USH2A: variants seen among roughly 807,000 people sequenced by gnomAD.
The protein encoded by USH2A is usherin.
Under a neutral mutation model 538.9 loss-of-function variants are expected in USH2A, and 443 were observed. The observed-to-expected ratio is 0.82, with a 90% CI of 0.76 to 0.89. The LOEUF is 0.89. Among genes scored for constraint, USH2A ranks in the 40% least tolerant of loss-of-function variants. The probability of loss-of-function intolerance (pLI) is 0.00; values close to 1 mark genes in which losing one functional copy is unlikely to be tolerated. For missense variants in USH2A, 6,633 were observed against 6,324.8 expected (o/e 1.05, Z -1.65); for synonymous variants, 2,413 against 2,273.5 (o/e 1.06, Z -1.75).
At chr1:215,692,598 C>T (rs1049394379) in intron 61 of USH2A, among the ~76,000 whole-genome samples, 3 of 152,090 alleles carry the variant, frequency 2.0e-5, no homozygotes, top group African/African-American at 4.8e-5. Flanking sequence ...CTTAGCAAAG[C>T]AGTATTTTAT....
At chr1:216,303,487 T>C (rs2037253252) in intron 9 of USH2A, among the ~76,000 whole-genome samples, 1 of 151,928 alleles carries the variant, frequency 6.6e-6, no homozygotes, top group African/African-American at 2.4e-5. Flanking sequence ...CTAAACTTAG[T>C]CAACTGGTAT....
chr1:216,325,220 T>A (rs906245472), intron 6 of USH2A, 85 bp downstream of exon 6: 10 of 1,415,130 alleles, frequency 7.1e-6, no homozygotes, highest in Non-Finnish European at 7.0e-6. Context: ...GGGAATATAT[T>A]TCTGTTGTTT....
Position 216,137,585 on chromosome 1 carries a change from T to C in USH2A, c.4627+37667A>G, listed in dbSNP as rs150533718. Among the ~76,000 whole-genome samples, 30 of 152,198 alleles carry C rather than the reference T, an allele frequency of 2.0e-4. No homozygotes were observed. In the East Asian group the frequency reaches 3.3e-3, roughly 17 times the overall value. On this transcript the variant is annotated intron_variant, in intron 21 of 71. Coordinates refer to ENST00000307340, the MANE Select transcript of USH2A (RefSeq NM_206933.4). ...CAAAACTGAAGAACTTGGAGTCCAA[T>C]ATTCAAGGGCAGAAAGCATCCAGCC...
At chr1:216,163,696 G>A (rs9730137) in intron 21 of USH2A, among the ~76,000 whole-genome samples, 4,791 of 151,916 alleles carry the variant, frequency 0.032, 243 homozygotes, top group African/African-American at 0.11. Context: ...AGGAAGAAGA[G>A]CCTATTAATG....
At chr1:216,339,731 A>G (rs144673803) in intron 4 of USH2A, among the ~76,000 whole-genome samples, 18 of 152,046 alleles carry the variant, frequency 1.2e-4, no homozygotes, top group African/African-American at 3.4e-4. Flanking sequence ...CTCCTGAACG[A>G]CTCCTGGGTA....
intron 60 of USH2A, among the ~76,000 whole-genome samples, chr1:215,738,085 C>T (rs1361535945): frequency 6.6e-6 from 1 of 151,922 alleles, no homozygotes; most frequent in African/African-American, 2.4e-5. Context: ...ATTAAAGCAC[C>T]TAGTGGGAGG....
chr1:215,689,888 A>G (rs536243072), intron 61 of USH2A, among the ~76,000 whole-genome samples: 6 of 152,246 alleles, frequency 3.9e-5, no homozygotes, highest in African/African-American at 1.4e-4. Context: ...AAGGCCTGAG[A>G]CTCTTGACAA....
intron 21 of USH2A, among the ~76,000 whole-genome samples, chr1:216,166,479 T>C (rs952789765): frequency 1.3e-5 from 2 of 152,034 alleles, no homozygotes; most frequent in African/African-American, 4.8e-5. Flanking sequence ...AGAATGCCAA[T>C]AAAAATAATT....
chr1:216,162,641 C>G (rs1310615750), intron 21 of USH2A, among the ~76,000 whole-genome samples: 4 of 152,032 alleles, frequency 2.6e-5, no homozygotes, highest in African/African-American at 9.7e-5. Flanking sequence ...GAATCTGTTT[C>G]AATTATCTCA....
chr1:216,174,921 T>C, intron 21 of USH2A: 1 of 1,145,864 alleles, frequency 8.7e-7, no homozygotes, highest in Non-Finnish European at 1.1e-6. Flanking sequence ...TGCAAACTCA[T>C]TTGCTCAGAG....
rs187422033 is a variant in USH2A, at chr1:215,910,470, T to C, written c.7301-9565A>G. ...CAACGAAAGAAAGATTAAGATGGTA[T>C]ATATTTCATAGAGTGTGGTTGGGAG... On this transcript the variant is annotated intron_variant, in intron 38 of 71. Coordinates refer to ENST00000307340, the MANE Select transcript of USH2A (RefSeq NM_206933.4). Among the ~76,000 whole-genome samples the C allele has an allele frequency of 6.8e-4, 104 of 152,118 alleles. 2 individuals carry two copies. The highest frequency in any genetic ancestry group is 2.5e-3 in the African/African-American group (104 of 41,542).
Position 216,325,557 on chromosome 1 carries a change from A to C in USH2A, c.891T>G (p.His297Gln), listed in dbSNP as rs1558038909. 6.2e-7 allele frequency: 1 copy of C among 1,613,382 alleles called. No homozygotes were observed. Among genetic ancestry groups the C allele is most frequent in the Non-Finnish European group, 8.5e-7 (1 of 1,179,698 alleles). The change falls in exon 6 of 72, where the codon CAT becomes CAG. Residue 297 changes from histidine to glutamine, a missense_variant. Coordinates refer to ENST00000307340, the MANE Select transcript of USH2A (RefSeq NM_206933.4). ...EVFSGDLLRL[H>Q]AQSHCRCPGS... ...CAGGGCAACGGCAATGTGATTGGGC[A>C]TGCAATCTGAGAAGATCTCCAGAGA...
chr1:215,741,409 G>T lies in USH2A; in HGVS notation c.11677C>A (p.Pro3893Thr), dbSNP rs41303285. 0.019 allele frequency: 31,332 copies of T among 1,613,844 alleles called. 396 individuals carry two copies. Among genetic ancestry groups the T allele is most frequent in the Non-Finnish European group, 0.022 (26,323 of 1,179,920 alleles). The part of the protein sequence containing the change: ...IEIKWMPPEK[P>T]NGIIINYFIY... ...AAGTAGTTGATGATGATTCCATTTG[G>T]TTTTTCAGGTGGCATCCACTTAATC... Residue 3893 changes from proline (P) to threonine (T), a missense_variant, in exon 60 of 72, where the codon CCA becomes ACA. Coordinates refer to ENST00000307340, the MANE Select transcript of USH2A (RefSeq NM_206933.4).
chr1:216,189,534 G>A (rs2034672870), intron 20 of USH2A, among the ~76,000 whole-genome samples: 1 of 151,736 alleles, frequency 6.6e-6, no homozygotes, highest in African/African-American at 2.4e-5. Context: ...CATGTAATCA[G>A]GTTTGTATGA....
intron 3 of USH2A, among the ~76,000 whole-genome samples, chr1:216,386,080 G>C: frequency 6.6e-6 from 1 of 152,142 alleles, no homozygotes; most frequent in Non-Finnish European, 1.5e-5. Context: ...TAGTTAACTG[G>C]TTTTGTCACT....
chr1:215,916,920 C>T (rs1245014086), intron 38 of USH2A, among the ~76,000 whole-genome samples: 2 of 152,076 alleles, frequency 1.3e-5, no homozygotes, highest in African/African-American at 4.8e-5. Flanking sequence ...AAGACAATTT[C>T]AGTGAATTTG....
Position 215,786,748 on chromosome 1 carries a change from T to C in USH2A, c.10309A>G (p.Lys3437Glu), listed in dbSNP as rs1017938003. ...GAACACATTTCTTCAATTGATGCCT[T>C]CCCTGTGGAATTGTGAGACCCTCTT... is the stretch of plus-strand genomic sequence containing the variant. The part of the protein sequence containing the change: ...VIRGSHNSTG[K>E]ASIEEMCSSA... The change falls in exon 52 of 72, where the codon AAG becomes GAG. Residue 3437 changes from lysine to glutamate, a missense_variant. By Grantham distance (56) the Lys-to-Glu change is moderately conservative. Coordinates refer to ENST00000307340, the MANE Select transcript of USH2A (RefSeq NM_206933.4). The C allele has an allele frequency of 1.9e-6, 3 of 1,613,998 alleles. No individual in the cohort carries two copies. Among genetic ancestry groups the C allele is most frequent in the Non-Finnish European group, 2.5e-6 (3 of 1,179,952 alleles).
At chr1:215,725,998 C>T (rs574050908) in intron 61 of USH2A, among the ~76,000 whole-genome samples, 50 of 152,242 alleles carry the variant, frequency 3.3e-4, no homozygotes, top group Non-Finnish European at 6.0e-4. Flanking sequence ...AGAACTGTTT[C>T]GTGAGACTAA....
intron 20 of USH2A, among the ~76,000 whole-genome samples, chr1:216,181,101 T>C (rs2034485684): frequency 6.6e-6 from 1 of 152,130 alleles, no homozygotes; most frequent in Non-Finnish European, 1.5e-5. Context: ...TTCTTCTTTG[T>C]TGACAAGTCA....
Sources: allele counts gnomAD v4.1 joint callset (sites outside exome capture counted in the v4.1 genomes callset), GRCh38; gene constraint gnomAD v4.1.1; transcripts MANE v1.5; gene names NCBI Gene and HGNC (gene_info 2026-07-23, HGNC 2026-07-21).